The following ZRANB2 variants were observed in gnomAD, a reference collection of about 807,000 sequenced individuals.
ZRANB2 encodes the protein zinc finger Ran-binding domain-containing protein 2.
In ZRANB2, 19 loss-of-function variants were observed where a neutral mutation model predicts 53.4. The observed-to-expected ratio is 0.36, with a 90% CI of 0.25 to 0.52. The LOEUF is 0.52. Ranked by LOEUF, ZRANB2 falls within the 20% of genes least tolerant of loss-of-function variation. The pLI is 0.93. For synonymous variants in ZRANB2, 145 were observed against 134.8 expected (o/e 1.08, Z -0.52); for missense variants, 309 against 401.1 (o/e 0.77, Z 1.96).
chr1:71,070,991 C>T lies in ZRANB2; in HGVS notation c.519G>A (p.Glu173=), dbSNP rs1445321843. Residue 173 remains glutamate (E), a synonymous_variant, in exon 7 of 10, where the codon GAG becomes GAA. Transcript: ENST00000370920. ...TTGAGAGATCAGCGTCATCTTCATCCTCATCCTAACAAAAATTCAATTATA... is the reference window on the plus strand; with the variant it reads ...TTGAGAGATCAGCGTCATCTTCATCTTCATCCTAACAAAAATTCAATTATA... ...DLSKYKLDED[E]DEDDADLSKY... The T allele has an allele frequency of 6.4e-7, 1 of 1,556,326 alleles. No homozygotes were observed. Among genetic ancestry groups the T allele is most frequent in the Non-Finnish European group, 8.7e-7 (1 of 1,155,736 alleles).
At chr1:71,076,262 C>T (rs1661708249) in intron 4 of ZRANB2, among the ~76,000 whole-genome samples, 1 of 152,164 alleles carries the variant, frequency 6.6e-6, no homozygotes, top group African/African-American at 2.4e-5. Flanking sequence ...ATTATTTAGG[C>T]CAATGATTAT....
intron 4 of ZRANB2, among the ~76,000 whole-genome samples, chr1:71,075,426 G>T (rs532448040): frequency 6.6e-6 from 1 of 152,262 alleles, no homozygotes; most frequent in South Asian, 2.1e-4. Context: ...AATTCAGTTT[G>T]AATATAATGA....
At chr1:71,075,979 C>T (rs1311773037) in intron 4 of ZRANB2, among the ~76,000 whole-genome samples, 1 of 152,010 alleles carries the variant, frequency 6.6e-6, no homozygotes, top group Non-Finnish European at 1.5e-5. Flanking sequence ...AACAGTGGCC[C>T]TCTGATCCCT....
At chr1:71,079,133 T>C (rs1013841546) in intron 1 of ZRANB2, among the ~76,000 whole-genome samples, 1 of 151,868 alleles carries the variant, frequency 6.6e-6, no homozygotes, top group Non-Finnish European at 1.5e-5. Context: ...TCATGGATCT[T>C]AATGAAATTA....
chr1:71,067,574 C>T, intron 8 of ZRANB2: 1 of 391,260 alleles, frequency 2.6e-6, no homozygotes, highest in South Asian at 1.9e-5. Context: ...AGTAAATGTG[C>T]AAATGTTTAA....
intron 4 of ZRANB2, among the ~76,000 whole-genome samples, chr1:71,075,936 T>C (rs1338946426): frequency 6.6e-6 from 1 of 152,012 alleles, no homozygotes; most frequent in East Asian, 1.9e-4. Context: ...AGAATTTCTG[T>C]TGAAGTCTGG....
intron 9 of ZRANB2, 58 bp from the exon 10 acceptor site, chr1:71,065,195 T>A (rs138154674): frequency 7.2e-7 from 1 of 1,385,448 alleles, no homozygotes; most frequent in East Asian, 2.3e-5. Flanking sequence ...AATCTCAGCA[T>A]TCATTCTTAA....
intron 8 of ZRANB2, chr1:71,067,350 A>G (rs71500632): frequency 0.041 from 8,295 of 200,334 alleles, 263 homozygotes; most frequent in Non-Finnish European, 0.056. Flanking sequence ...GAAAATAAAC[A>G]TAATTCCATG....
In ZRANB2 at chr1:71,066,894, T is replaced by C. The variant is rs1303475279; in HGVS notation, c.811A>G (p.Lys271Glu). The C allele has an allele frequency of 3.1e-6, 5 of 1,602,904 alleles. No individual in the cohort carries two copies. The highest frequency in any genetic ancestry group is 2.3e-5 in the East Asian group (1 of 44,380). ...GATGATGAACTTGAATAAGATCTTTTTCGTGGGGAAGAAGAGCCCCTGTGG... is the reference window on the plus strand; with the variant it reads ...GATGATGAACTTGAATAAGATCTTTCTCGTGGGGAAGAAGAGCCCCTGTGG... ...RSHRGSSSPR[K>E]RSYSSSSSSP... The change falls in exon 9 of 10, where the codon AAA (lysine) becomes GAA (glutamate). Residue 271 changes from lysine to glutamate, a missense_variant. This residue lies in a region of ZRANB2 where 211 missense variants were observed against 196.1 expected (regional missense o/e 1.08). Coordinates refer to ENST00000370920, the MANE Select transcript of ZRANB2 (RefSeq NM_203350.3).
rs902300301 is a variant in ZRANB2, at chr1:71,077,688, T to C, written c.218+769A>G. Among the ~76,000 whole-genome samples the C allele has an allele frequency of 2.0e-5, 3 of 152,062 alleles. No individual in the cohort carries two copies. The East Asian group carries it at 5.8e-4, about 29-fold the overall frequency. On this transcript the variant is annotated intron_variant, in intron 3 of 9. Coordinates refer to ENST00000370920, the MANE Select transcript of ZRANB2 (RefSeq NM_203350.3). ...GGGCAACATGGTAAAACCCTGTCTC[T>C]ACCAAAAATATAAAAAAATGAGCCA...
At chr1:71,073,096 T>A (rs1256985940) in intron 4 of ZRANB2, among the ~76,000 whole-genome samples, 1 of 152,070 alleles carries the variant, frequency 6.6e-6, no homozygotes, top group Admixed American at 6.6e-5. Flanking sequence ...AACACATAGG[T>A]AAAAGTCACA....
At position 71,069,606 on chromosome 1, in the gene ZRANB2, T is replaced by C. The variant is rs1035843203; in HGVS notation, c.684-244A>G. 2.2e-5 allele frequency: 6 copies of C among 268,340 alleles called. No individual in the cohort carries two copies. In the Admixed American group the frequency reaches 3.2e-4, roughly 14 times the overall value. 16.6% of individuals were successfully genotyped at this position (268,340 alleles called of 1,614,324 possible). A position where few individuals can be genotyped will look rare whatever the true frequency, so the allele number is the denominator to read the frequency against. On this transcript the variant is annotated intron_variant, in intron 7 of 9. Transcript: ENST00000370920. ...AGCCACTCAACTATAAAACAAAACA[T>C]TATCACTTTATTACAAAAACAATGA...
At chr1:71,068,592 CGT>C (rs1194627740) in intron 8 of ZRANB2, among the ~76,000 whole-genome samples, 1 of 151,912 alleles carries the variant, frequency 6.6e-6, no homozygotes, top group Non-Finnish European at 1.5e-5. Context: ...TAAATAATAG[CGT>C]GTGTAAAATT....
intron 4 of ZRANB2, among the ~76,000 whole-genome samples, chr1:71,073,528 T>A (rs1292667539): frequency 6.6e-6 from 1 of 151,900 alleles, no homozygotes; most frequent in Non-Finnish European, 1.5e-5. Flanking sequence ...AAAAATATTT[T>A]TAAAATTTCA....
intron 4 of ZRANB2, among the ~76,000 whole-genome samples, chr1:71,075,687 G>A (rs752670971): frequency 7.9e-5 from 12 of 151,966 alleles, no homozygotes; most frequent in Non-Finnish European, 1.8e-4. Flanking sequence ...GGTTGGTGGG[G>A]GCGGTGAAGG....
chr1:71,069,017 A>G (rs529636505), intron 8 of ZRANB2, among the ~76,000 whole-genome samples: 70 of 152,156 alleles, frequency 4.6e-4, no homozygotes, highest in African/African-American at 1.6e-3. Context: ...CTACTTCATA[A>G]CATCTTAGTG....
intron 3 of ZRANB2, among the ~76,000 whole-genome samples, chr1:71,077,241 C>T (rs543541437): frequency 2.0e-5 from 3 of 152,222 alleles, no homozygotes; most frequent in Non-Finnish European, 2.9e-5. Context: ...TCAACAGAAA[C>T]GCTCACAGGA....
At chr1:71,076,644 T>C (rs1661716605) in intron 4 of ZRANB2, 151 bp downstream of exon 4, 2 of 650,522 alleles carry the variant, frequency 3.1e-6, no homozygotes, top group Non-Finnish European at 5.4e-6. Context: ...TATGTGTGTA[T>C]GGGGGGAAAA....
chr1:71,079,536 A>G (rs776251212), intron 1 of ZRANB2, among the ~76,000 whole-genome samples: 4 of 152,230 alleles, frequency 2.6e-5, no homozygotes, highest in Non-Finnish European at 4.4e-5. Context: ...CTAAAGTGAA[A>G]CACTCTAAAT....
Sources: gnomAD v4.1 joint callset for allele counts (sites outside exome capture counted in the v4.1 genomes callset) on GRCh38, gnomAD v4.1.1 for gene constraint, gnomAD v4.1.1 regional missense constraint, MANE v1.5 for transcripts, NCBI Gene and HGNC (gene_info 2026-07-23, HGNC 2026-07-21) for gene names.